Variants in KIF26B observed in about 807,000 individuals in gnomAD.
KIF26B encodes the protein kinesin-like protein KIF26B.
KIF26B carries 63 observed loss-of-function variants against 151.2 expected under a neutral mutation model. The observed-to-expected ratio is 0.42, with a 90% CI of 0.34 to 0.51. The LOEUF (loss-of-function observed/expected upper bound fraction) is 0.51, where lower values mean the gene tolerates loss of function less well. KIF26B is among the 20% of genes least tolerant of loss of function. The pLI is 0.07. For missense variants in KIF26B, 2,813 were observed against 2,913.6 expected (o/e 0.97, Z 0.79); for synonymous variants, 1,357 against 1,262.1 (o/e 1.08, Z -1.59).
chr1:245,254,630 G>A (rs751332420), intron 2 of KIF26B, among the ~76,000 whole-genome samples: 6 of 152,184 alleles, frequency 3.9e-5, no homozygotes, highest in Admixed American at 6.5e-5. Flanking sequence ...TCTGGGGGAA[G>A]AGTGACTGGG....
At chr1:245,298,946 C>T (rs6665809) in intron 2 of KIF26B, among the ~76,000 whole-genome samples, 55,000 of 152,054 alleles carry the variant, frequency 0.36, 10,389 homozygotes, top group East Asian at 0.59. Context: ...TAAGGAGAAG[C>T]GCTGTTCTCA....
intron 3 of KIF26B, among the ~76,000 whole-genome samples, chr1:245,389,903 CTTAG>C (rs894085435): frequency 4.9e-4 from 74 of 152,296 alleles, no homozygotes; most frequent in South Asian, 1.9e-3. Flanking sequence ...TCTTGATTTA[CTTAG>C]TTAAAGTTTC....
intron 4 of KIF26B, among the ~76,000 whole-genome samples, chr1:245,479,982 G>A (rs907113104): frequency 3.3e-5 from 5 of 151,912 alleles, no homozygotes; most frequent in Admixed American, 6.6e-5. Flanking sequence ...AAAGCTGCCC[G>A]GCCAGGTGCA....
At chr1:245,559,890 T>C (rs2042923040) in intron 5 of KIF26B, among the ~76,000 whole-genome samples, 1 of 152,120 alleles carries the variant, frequency 6.6e-6, no homozygotes, top group South Asian at 2.1e-4. Flanking sequence ...TTTTTTTTTT[T>C]TTTCCAATCA....
chr1:245,208,726 A>C (rs567324406), intron 2 of KIF26B, among the ~76,000 whole-genome samples: 15 of 152,232 alleles, frequency 9.9e-5, no homozygotes, highest in African/African-American at 3.6e-4. Context: ...GGGGCAGTAG[A>C]GGTAAGATTC....
chr1:245,196,081 G>A (rs910154713), intron 2 of KIF26B, among the ~76,000 whole-genome samples: 1 of 152,128 alleles, frequency 6.6e-6, no homozygotes, highest in Non-Finnish European at 1.5e-5. Context: ...CTAGTGTTTT[G>A]TATGGTTTTA....
rs1171040633 is a variant in KIF26B, at chr1:245,686,858, A to T, written c.3875A>T (p.Glu1292Val). The T allele has an allele frequency of 6.2e-7, 1 of 1,613,648 alleles. No individual in the cohort carries two copies. The highest frequency in any genetic ancestry group is 1.1e-5 in the South Asian group (1 of 91,050). Residue 1292 changes from glutamate (E) to valine (V), a missense_variant, in exon 12 of 15, where the codon GAG becomes GTG. Coordinates refer to ENST00000407071, the MANE Select transcript of KIF26B (RefSeq NM_018012.4). The surrounding 1 kb of genome is among the most constrained non-coding windows in gnomAD (Gnocchi z 5.6). ...LSEMSAGSEG[E>V]QSCHSFIAQT... ...GAGATGAGCGCGGGCAGTGAGGGTG[A>T]GCAGTCGTGCCACAGTTTCATAGCC...
Position 245,478,243 on chromosome 1 carries a change from T to A in KIF26B, c.1166+58498T>A, listed in dbSNP as rs144384771. 3.7e-3 allele frequency among the ~76,000 whole-genome samples: 555 copies of A among 151,900 alleles called. 5 individuals are homozygous for A. The highest frequency in any genetic ancestry group is 0.012 in the African/African-American group (517 of 41,550). On this transcript the variant is annotated intron_variant, in intron 4 of 14. Transcript: ENST00000407071. ...TTTTGGTGATGCATTCATCAGTGGATGGACATCTGGGTTTTCCCACGTTTG... is the reference window on the plus strand; with the variant it reads ...TTTTGGTGATGCATTCATCAGTGGAAGGACATCTGGGTTTTCCCACGTTTG...
At chr1:245,508,396 A>G (rs1280918891) in intron 4 of KIF26B, among the ~76,000 whole-genome samples, 2 of 152,026 alleles carry the variant, frequency 1.3e-5, no homozygotes, top group East Asian at 1.9e-4. Context: ...GCCCGCCACC[A>G]CGCCCGGCTA....
chr1:245,492,522 A>G (rs1454221962), intron 4 of KIF26B, among the ~76,000 whole-genome samples: 1 of 152,236 alleles, frequency 6.6e-6, no homozygotes, highest in Non-Finnish European at 1.5e-5. Context: ...CAAAGCCAAC[A>G]TTACAGTAGT....
chr1:245,516,924 C>G lies in KIF26B; in HGVS notation c.1167-23843C>G, dbSNP rs1327827480. Among the ~76,000 whole-genome samples, 3 of 152,230 alleles carry G rather than the reference C, an allele frequency of 2.0e-5. No homozygotes were observed. Among genetic ancestry groups the G allele is most frequent in the African/African-American group, 7.2e-5 (3 of 41,460 alleles). ...GGGGGCGCTGGGCTGATTGCCCTGG[C>G]TGCTCCCCACAGCTCCACGGCTGCT... On this transcript the variant is annotated intron_variant, in intron 4 of 14. Transcript: ENST00000407071. This position sits in a 1 kb window ranked among gnomAD's most constrained non-coding sequence, Gnocchi z 4.2.
Position 245,422,541 on chromosome 1 carries a change from T to C in KIF26B, c.1166+2796T>C, listed in dbSNP as rs115065786. ...GATAAGCCAAAACCTGCCCAGCTTA[T>C]GCTGTCAGACAGTCAACTGAGTTCA... On this transcript the variant is annotated intron_variant, in intron 4 of 14. Coordinates refer to ENST00000407071, the MANE Select transcript of KIF26B (RefSeq NM_018012.4). Among the ~76,000 whole-genome samples the C allele has an allele frequency of 2.1e-3, 325 of 152,342 alleles. 2 individuals are homozygous for C. Among genetic ancestry groups the C allele is most frequent in the African/African-American group, 7.2e-3 (299 of 41,580 alleles).
chr1:245,230,957 A>G (rs1021422876), intron 2 of KIF26B, among the ~76,000 whole-genome samples: 1 of 152,096 alleles, frequency 6.6e-6, no homozygotes, highest in African/African-American at 2.4e-5. Flanking sequence ...AAAGATTATG[A>G]CATGCCAGAA....
intron 2 of KIF26B, among the ~76,000 whole-genome samples, chr1:245,165,326 G>A (rs140970696): frequency 1.8e-4 from 27 of 152,320 alleles, no homozygotes; most frequent in African/African-American, 6.5e-4. Flanking sequence ...TTTCTGGCCA[G>A]GGAAAGTGTG....
chr1:245,474,383 C>T (rs529193418), intron 4 of KIF26B, among the ~76,000 whole-genome samples: 1 of 151,044 alleles, frequency 6.6e-6, no homozygotes, highest in African/African-American at 2.4e-5. Flanking sequence ...GCTGGGATTA[C>T]AGGCGTGAGC....
At chr1:245,475,480 A>G (rs535326878) in intron 4 of KIF26B, among the ~76,000 whole-genome samples, 38 of 151,904 alleles carry the variant, frequency 2.5e-4, no homozygotes, top group African/African-American at 9.2e-4. Flanking sequence ...GCGGGAAAAA[A>G]AATCATTGCA....
chr1:245,246,866 AACAC>A (rs10623091), intron 2 of KIF26B, among the ~76,000 whole-genome samples: 25 of 143,932 alleles, frequency 1.7e-4, no homozygotes, highest in African/African-American at 3.6e-4. Context: ...GTAAGGGCAG[AACAC>A]ACACACACAC....
At chr1:245,609,909 T>C (rs1273091796) in intron 8 of KIF26B, among the ~76,000 whole-genome samples, 3 of 152,204 alleles carry the variant, frequency 2.0e-5, no homozygotes, top group African/African-American at 7.2e-5. Flanking sequence ...CTATAAACTG[T>C]GCTTCTGGCA....
At chr1:245,482,874 C>G (rs1660197402) in intron 4 of KIF26B, among the ~76,000 whole-genome samples, 1 of 151,828 alleles carries the variant, frequency 6.6e-6, no homozygotes, top group African/African-American at 2.4e-5. Context: ...GTTGTTGAAG[C>G]CTCACGATCT....
Sources: gnomAD v4.1 joint callset for allele counts (sites outside exome capture counted in the v4.1 genomes callset) on GRCh38, gnomAD v4.1.1 for gene constraint, Gnocchi (gnomAD v3.1) non-coding constraint, MANE v1.5 for transcripts, NCBI Gene and HGNC (gene_info 2026-07-23, HGNC 2026-07-21) for gene names.